The following SYNE2 variants were observed in gnomAD, a reference collection of about 807,000 sequenced individuals.
The protein encoded by SYNE2 is nesprin-2.
SYNE2 carries 431 observed loss-of-function variants against 856.3 expected under a neutral mutation model. That is an observed-to-expected ratio of 0.50 (90% CI 0.47 to 0.55). The LOEUF is 0.55. Among genes scored for constraint, SYNE2 ranks in the 20% least tolerant of loss-of-function variants. SYNE2 has a pLI of 0.00. For synonymous variants in SYNE2, 2,923 were observed against 2,872.3 expected (o/e 1.02, Z -0.56); for missense variants, 8,129 against 8,023.2 (o/e 1.01, Z -0.50).
chr14:63,848,861 T>C (rs2139951349), upstream of SYNE2, among the ~76,000 whole-genome samples: 1 of 152,348 alleles, frequency 6.6e-6, no homozygotes, highest in Middle Eastern at 3.4e-3. Context: ...CGTACACAGC[T>C]CCACTGAATC....
In SYNE2 at chr14:64,214,279, G is replaced by A. The variant is rs140857065; in HGVS notation, c.19142G>A (p.Arg6381Gln). ...ATCCAGACTGATTCTTGGCGTAAAC[G>A]GGGAGAGAGCGAGGAACCGTCATCT... ...REIQTDSWRK[R>Q]GESEEPSSPQ... The change falls in exon 106 of 116, where the codon CGG (arginine) becomes CAG (glutamine). Residue 6381 changes from arginine (R) to glutamine (Q), a missense_variant. Arg to Gln is a conservative substitution (Grantham distance 43). Transcript: ENST00000555002. The A allele has an allele frequency of 4.2e-5, 68 of 1,613,940 alleles. No individual in the cohort carries two copies. The highest frequency in any genetic ancestry group is 6.7e-5 in the Admixed American group (4 of 59,984).
chr14:63,936,951 T>C (rs561091102), intron 2 of SYNE2, among the ~76,000 whole-genome samples: 6 of 152,122 alleles, frequency 3.9e-5, no homozygotes, highest in Non-Finnish European at 7.4e-5. Context: ...GCATTAGATA[T>C]GAAACGTGAG....
At chr14:63,897,521 C>G (rs2095272221) in intron 1 of SYNE2, among the ~76,000 whole-genome samples, 1 of 152,164 alleles carries the variant, frequency 6.6e-6, no homozygotes, top group East Asian at 1.9e-4. Flanking sequence ...GAATGTGTCT[C>G]CTTGTGTATA....
At chr14:63,796,619 C>A (rs564226745) in intron 1 of SYNE2, among the ~76,000 whole-genome samples, 2 of 152,194 alleles carry the variant, frequency 1.3e-5, no homozygotes, top group Admixed American at 1.3e-4. Context: ...AATGCTTTAT[C>A]AGTCTTCTAG....
chr14:64,148,569 C>T (rs1406679848), intron 84 of SYNE2, among the ~76,000 whole-genome samples: 1 of 152,168 alleles, frequency 6.6e-6, no homozygotes, highest in Non-Finnish European at 1.5e-5. Context: ...CTATGTTTGT[C>T]AGAACTCAAT....
At chr14:63,903,180 A>G (rs1243113198) in intron 1 of SYNE2, among the ~76,000 whole-genome samples, 1 of 152,198 alleles carries the variant, frequency 6.6e-6, no homozygotes, top group East Asian at 1.9e-4. Flanking sequence ...AGTCTCTTCA[A>G]TTATATCCTC....
At chr14:63,778,156 G>C (rs968446718) in intron 1 of SYNE2, among the ~76,000 whole-genome samples, 2 of 152,138 alleles carry the variant, frequency 1.3e-5, no homozygotes, top group Non-Finnish European at 1.5e-5. Flanking sequence ...CCCGCATCCT[G>C]TTCTCCTGAT....
At chr14:64,146,972 G>A (rs2098192858) in intron 84 of SYNE2, among the ~76,000 whole-genome samples, 1 of 152,210 alleles carries the variant, frequency 6.6e-6, no homozygotes. Flanking sequence ...CAGCACCACC[G>A]TAAGCGGCCC....
chr14:63,827,625 C>CAAAAAAAAAAAAAAAAAAAAA (rs11334415), intron 1 of SYNE2, among the ~76,000 whole-genome samples: 13 of 28,382 alleles, frequency 4.6e-4, no homozygotes, highest in Admixed American at 5.5e-4. Flanking sequence ...AACTCTGTCT[C>CAAAAAAAAAAAAAAAAAAAAA]AAAAAAAAAA....
At chr14:64,024,569 C>A in intron 39 of SYNE2, 110 bp downstream of exon 39, 1 of 1,058,760 alleles carries the variant, frequency 9.4e-7, no homozygotes, top group Non-Finnish European at 1.4e-6. Flanking sequence ...AAATTTCACA[C>A]ACAAAAGGCG....
intron 63 of SYNE2, chr14:64,100,129 A>C (rs1295211016): frequency 6.6e-6 from 1 of 151,984 alleles, no homozygotes; most frequent in Non-Finnish European, 1.5e-5. Context: ...GCACATATAC[A>C]CCATGGAATA....
intron 2 of SYNE2, among the ~76,000 whole-genome samples, chr14:63,909,921 A>G (rs2095452552): frequency 6.6e-6 from 1 of 152,248 alleles, no homozygotes; most frequent in Non-Finnish European, 1.5e-5. Flanking sequence ...ATGACCTTTC[A>G]GTCATGTGAA....
intron 8 of SYNE2, among the ~76,000 whole-genome samples, chr14:63,960,237 T>A (rs903354927): frequency 2.6e-5 from 4 of 152,238 alleles, no homozygotes; most frequent in African/African-American, 7.2e-5. Flanking sequence ...ACCCTCAGCT[T>A]TTTATTGCTG....
chr14:63,909,072 T>C, intron 1 of SYNE2, 26 bp from the exon 2 acceptor site: 1 of 1,066,826 alleles, frequency 9.4e-7, no homozygotes, highest in Non-Finnish European at 1.5e-6. Context: ...AAGTTACTAA[T>C]GAACATTTAT....
At chr14:64,221,768 A>G in intron 112 of SYNE2, 64 bp downstream of exon 112, 1 of 1,579,462 alleles carries the variant, frequency 6.3e-7, no homozygotes, top group Non-Finnish European at 8.7e-7. Flanking sequence ...GAGGCAGCAC[A>G]CTCAGGTAGC....
intron 12 of SYNE2, among the ~76,000 whole-genome samples, chr14:63,977,322 C>T (rs1245953095): frequency 1.3e-5 from 2 of 152,010 alleles, no homozygotes; most frequent in East Asian, 3.9e-4. Flanking sequence ...ACACCATTCT[C>T]CTGCCTCAGC....
rs1595891685 is a variant in SYNE2, at chr14:63,960,989, G to T, written c.788-536G>T. On this transcript the variant is annotated intron_variant, in intron 8 of 115. Coordinates refer to ENST00000555002, the MANE Select transcript of SYNE2 (RefSeq NM_182914.3). ...GACTCTTAATGCAACACAAAGCCTG[G>T]CCTGTAGAAGGCTTTCAGTAGATTT... The T allele has an allele frequency of 1.6e-5, 8 of 514,266 alleles. No individual in the cohort carries two copies. The East Asian group carries it at 2.1e-4, about 14-fold the overall frequency. 31.9% of individuals were successfully genotyped at this position (514,266 alleles called of 1,614,324 possible).
intron 63 of SYNE2, among the ~76,000 whole-genome samples, chr14:64,101,448 C>T (rs897959961): frequency 6.6e-6 from 1 of 152,036 alleles, no homozygotes; most frequent in African/African-American, 2.4e-5. Flanking sequence ...CTAACTTTTA[C>T]GTATTTTTAA....
chr14:64,219,167 T>A, intron 109 of SYNE2, 41 bp from the exon 110 acceptor site: 2 of 1,560,550 alleles, frequency 1.3e-6, no homozygotes, highest in Middle Eastern at 1.7e-4. Flanking sequence ...AGAAATCTGT[T>A]GCATTATTGC....
Sources: gnomAD v4.1 joint callset for allele counts (sites outside exome capture counted in the v4.1 genomes callset) on GRCh38, gnomAD v4.1.1 for gene constraint, MANE v1.5 for transcripts, NCBI Gene and HGNC (gene_info 2026-07-23, HGNC 2026-07-21) for gene names.